LARGE1: variants seen among roughly 807,000 people sequenced by gnomAD.
The protein encoded by LARGE1 is LARGE xylosyl- and glucuronyltransferase 1, also known as xylosyl- and glucuronyltransferase LARGE1.
A neutral mutation model predicts 87.6 loss-of-function variants in LARGE1; 43 were observed. That is an observed-to-expected ratio of 0.49 (90% CI 0.38 to 0.63). LARGE1 has a LOEUF of 0.63. Ranked by LOEUF, LARGE1 falls within the 30% of genes least tolerant of loss-of-function variation. LARGE1 has a pLI of 0.00. For missense variants in LARGE1, 802 were observed against 1,000.2 expected, an observed-to-expected ratio of 0.80 and a Z score of 2.67; for synonymous variants, 434 against 394.6, an observed-to-expected ratio of 1.10 and a Z score of -1.18.
chr22:33,598,279 A>G (rs181641118), intron 5 of LARGE1, among the ~76,000 whole-genome samples: 1 of 152,314 alleles, frequency 6.6e-6, no homozygotes, highest in African/African-American at 2.4e-5. Context: ...GTTCCTTTGT[A>G]TGTACAATGG....
intron 6 of LARGE1, among the ~76,000 whole-genome samples, chr22:33,547,793 CAAAAAAAAAAAAAA>C (rs57220257): frequency 3.4e-4 from 12 of 35,746 alleles, no homozygotes; most frequent in East Asian, 1.7e-3. Flanking sequence ...GACTCCATCT[CAAAAAAAAAAAAAA>C]AAAAAAAAAA....
At chr22:33,650,257 C>G in intron 3 of LARGE1, 110 bp downstream of exon 3, 9 of 1,377,316 alleles carry the variant, frequency 6.5e-6, no homozygotes, top group Non-Finnish European at 9.2e-6. Context: ...GGGCTAGAAT[C>G]AAGAATGCCA....
At chr22:33,460,653 C>CT (rs2068338774) in intron 6 of LARGE1, among the ~76,000 whole-genome samples, 1 of 152,076 alleles carries the variant, frequency 6.6e-6, no homozygotes, top group South Asian at 2.1e-4. Flanking sequence ...AACTGGGGAG[C>CT]CTGCCTATCC....
chr22:33,075,792 T>C, the LARGE1 span, among the ~76,000 whole-genome samples: 1 of 152,194 alleles, frequency 6.6e-6, no homozygotes, highest in Non-Finnish European at 1.5e-5. Flanking sequence ...ATGCTTCTCA[T>C]AGCTGTTATA....
chr22:33,101,738 G>A, the LARGE1 span, among the ~76,000 whole-genome samples: 2 of 152,114 alleles, frequency 1.3e-5, no homozygotes, highest in African/African-American at 4.8e-5. Flanking sequence ...GGGCAACCCT[G>A]CTTGTAGCCT....
intron 11 of LARGE1, among the ~76,000 whole-genome samples, chr22:33,311,750 C>T (rs547195830): frequency 1.1e-4 from 17 of 152,226 alleles, no homozygotes; most frequent in African/African-American, 3.9e-4. Context: ...CACATGCCTT[C>T]GTAAGGATGT....
At chr22:33,523,564 C>T (rs1355266774) in intron 6 of LARGE1, among the ~76,000 whole-genome samples, 2 of 152,150 alleles carry the variant, frequency 1.3e-5, no homozygotes, top group African/African-American at 4.8e-5. Flanking sequence ...TGAAGGCCAC[C>T]ACATTAGATG....
chr22:33,768,465 C>T (rs938745273), intron 1 of LARGE1, among the ~76,000 whole-genome samples: 1 of 147,298 alleles, frequency 6.8e-6, no homozygotes, highest in South Asian at 2.2e-4. Context: ...CACACACACA[C>T]AGTCTCCCGC....
chr22:33,524,777 C>A (rs1018466309), intron 6 of LARGE1, among the ~76,000 whole-genome samples: 2 of 150,230 alleles, frequency 1.3e-5, no homozygotes, highest in Non-Finnish European at 3.0e-5. Flanking sequence ...CAAAACCAAA[C>A]CAAACAAAAA....
At chr22:33,574,355 C>A (rs1156693847) in intron 5 of LARGE1, among the ~76,000 whole-genome samples, 1 of 152,108 alleles carries the variant, frequency 6.6e-6, no homozygotes, top group Non-Finnish European at 1.5e-5. Flanking sequence ...ACTTATAACA[C>A]CTAATAAAAT....
intron 6 of LARGE1, among the ~76,000 whole-genome samples, chr22:33,562,385 G>A (rs1433782147): frequency 6.6e-6 from 1 of 152,230 alleles, no homozygotes; most frequent in Non-Finnish European, 1.5e-5. Context: ...GTTCCTTGAA[G>A]GCAGGTGCTG....
At chr22:33,249,495 TCTC>T (rs1304125619) in intron 11 of LARGE1, among the ~76,000 whole-genome samples, 1 of 152,220 alleles carries the variant, frequency 6.6e-6, no homozygotes, top group African/African-American at 2.4e-5. Flanking sequence ...TGGCTTGTCT[TCTC>T]ATTCTCTTGA....
At chr22:33,680,040 G>A (rs2081709581) in intron 2 of LARGE1, among the ~76,000 whole-genome samples, 1 of 152,120 alleles carries the variant, frequency 6.6e-6, no homozygotes, top group African/African-American at 2.4e-5. Flanking sequence ...CAGCTGTGGG[G>A]ACTTCAAATG....
At chr22:33,417,198 C>T (rs1601766310) in intron 7 of LARGE1, among the ~76,000 whole-genome samples, 1 of 152,166 alleles carries the variant, frequency 6.6e-6, no homozygotes, top group Non-Finnish European at 1.5e-5. Context: ...AGCCACCGTG[C>T]CCAGCCTTTC....
At chr22:33,546,433 C>T (rs912940705) in intron 6 of LARGE1, among the ~76,000 whole-genome samples, 4 of 152,078 alleles carry the variant, frequency 2.6e-5, no homozygotes, top group Admixed American at 1.3e-4. Flanking sequence ...TCCCAGGTTC[C>T]GAAATTAATG....
chr22:33,522,230 CTG>C (rs2071641266), intron 6 of LARGE1, among the ~76,000 whole-genome samples: 1 of 152,188 alleles, frequency 6.6e-6, no homozygotes, highest in African/African-American at 2.4e-5. Flanking sequence ...CCAGCTGTAA[CTG>C]TATTACTGAG....
At chr22:33,507,242 C>T (rs2070810057) in intron 6 of LARGE1, among the ~76,000 whole-genome samples, 1 of 152,178 alleles carries the variant, frequency 6.6e-6, no homozygotes, top group African/African-American at 2.4e-5. Flanking sequence ...ATGCTGTTTG[C>T]TTCAGAAAGG....
At chr22:33,343,043 A>C (rs890020660) in intron 9 of LARGE1, among the ~76,000 whole-genome samples, 2 of 152,222 alleles carry the variant, frequency 1.3e-5, no homozygotes, top group Non-Finnish European at 2.9e-5. Context: ...CAAAAACTGC[A>C]ATTACTTTTG....
rs116665444 is a variant in LARGE1 at position 33,770,505 on chromosome 22, G to A, written c.-82-8947C>T. 5.3e-3 allele frequency among the ~76,000 whole-genome samples: 800 copies of A among 152,106 alleles called. 6 individuals are homozygous for A. The highest frequency in any genetic ancestry group is 0.018 in the African/African-American group (760 of 41,482). ...AAGACCAGCCTGGGCAACATAGAGA[G>A]ACCTACCAACTCTAAAAAAATGTAA... is the stretch of plus-strand genomic sequence containing the variant. On this transcript the variant is annotated intron_variant, in intron 1 of 14. Transcript: ENST00000397394.
Sources: gnomAD v4.1 joint callset for allele counts (sites outside exome capture counted in the v4.1 genomes callset) on GRCh38, gnomAD v4.1.1 for gene constraint, MANE v1.5 for transcripts, NCBI Gene and HGNC (gene_info 2026-07-23, HGNC 2026-07-21) for gene names.